PCDHGA2: variants seen among roughly 807,000 people sequenced by gnomAD.
PCDHGA2 encodes protocadherin gamma-A2.
In PCDHGA2, 40 loss-of-function variants were observed where a neutral mutation model predicts 59.2. That is an observed-to-expected ratio of 0.68 (90% confidence interval 0.52 to 0.88). The LOEUF is 0.88. Ranked by LOEUF, PCDHGA2 falls within the 40% of genes least tolerant of loss-of-function variation. The pLI is 0.00. For missense variants in PCDHGA2, 1,226 were observed against 1,204.0 expected, an observed-to-expected ratio of 1.02 and a Z score of -0.27; for synonymous variants, 560 against 526.0, an observed-to-expected ratio of 1.06 and a Z score of -0.89.
intron 1 of PCDHGA2, among the ~76,000 whole-genome samples, chr5:141,397,615 C>A (rs2093545668): frequency 6.6e-6 from 1 of 152,144 alleles, no homozygotes; most frequent in Admixed American, 6.5e-5. Context: ...AAGGGCAATA[C>A]TTAGTTCTAG....
chr5:141,361,669 G>A (rs536902009), intron 1 of PCDHGA2: 14 of 1,613,690 alleles, frequency 8.7e-6, no homozygotes, highest in Non-Finnish European at 1.2e-5. Flanking sequence ...CGCGCAGAGC[G>A]GGGTGGTGTT....
intron 1 of PCDHGA2, chr5:141,418,790 G>A (rs1434374059): frequency 2.5e-6 from 4 of 1,613,758 alleles, no homozygotes; most frequent in Admixed American, 3.3e-5. Flanking sequence ...GGATTTTGAA[G>A]AAGTAGAAAG....
In PCDHGA2 at chr5:141,360,245, T is replaced by C. The variant is rs201518165; in HGVS notation, c.2424+18850T>C. On this transcript the variant is annotated intron_variant, in intron 1 of 3. Coordinates refer to ENST00000394576, the MANE Select transcript of PCDHGA2 (RefSeq NM_018915.4). ...CTCCCAGTCCAGATCCGCTATTCAA[T>C]TCCAGAGGAGCTGGCCAAAAACTCG... is the stretch of plus-strand genomic sequence containing the variant. 643 of 1,613,842 alleles carry C rather than the reference T, an allele frequency of 4.0e-4. 1 individual carries two copies. The highest frequency in any genetic ancestry group is 6.6e-4 in the Middle Eastern group (4 of 6,084).
intron 1 of PCDHGA2, among the ~76,000 whole-genome samples, chr5:141,482,161 G>A (rs2099554171): frequency 6.6e-6 from 1 of 152,008 alleles, no homozygotes; most frequent in Non-Finnish European, 1.5e-5. Context: ...TCAAAGATAT[G>A]TAAGATTAAG....
intron 1 of PCDHGA2, among the ~76,000 whole-genome samples, chr5:141,445,961 G>T (rs944876169): frequency 1.3e-5 from 2 of 152,158 alleles, no homozygotes; most frequent in Non-Finnish European, 2.9e-5. Context: ...GCTATATGGA[G>T]AATTGATTTA....
At chr5:141,403,334 G>T (rs2094392979) in intron 1 of PCDHGA2, 2 of 1,613,972 alleles carry the variant, frequency 1.2e-6, no homozygotes, top group Non-Finnish European at 1.7e-6. Flanking sequence ...TGATATTAAC[G>T]ACAGCGCCCC....
intron 1 of PCDHGA2, chr5:141,366,742 G>T (rs762560261): frequency 1.2e-6 from 2 of 1,611,864 alleles, no homozygotes; most frequent in East Asian, 2.2e-5. Flanking sequence ...AAGAAGAACG[G>T]CGAGTTCAGG....
chr5:141,399,659 T>A (rs1277891886), intron 1 of PCDHGA2: 1 of 1,613,684 alleles, frequency 6.2e-7, no homozygotes, highest in African/African-American at 1.3e-5. Flanking sequence ...GGGGTGGTGT[T>A]CGCGCAGCGC....
intron 1 of PCDHGA2, chr5:141,409,895 C>T (rs928044268): frequency 2.5e-6 from 4 of 1,613,098 alleles, no homozygotes; most frequent in Non-Finnish European, 3.4e-6. Flanking sequence ...GGTGCTGTAC[C>T]CAGCTCTGGG....
Position 141,491,608 on chromosome 5 carries a change from C to T in PCDHGA2, c.2425-3199C>T. On this transcript the variant is annotated intron_variant, in intron 1 of 3. Transcript: ENST00000394576. This position sits in a 1 kb window ranked among gnomAD's most constrained non-coding sequence, Gnocchi z 6.9. Reference sequence around the variant, plus strand: ...CTCGGACGGCAGTGACTTCACTTTTCTAAGACCCCTCAGCGTTCAGCAGCC... The same window carrying T: ...CTCGGACGGCAGTGACTTCACTTTTTTAAGACCCCTCAGCGTTCAGCAGCC... 6.2e-7 allele frequency: 1 copy of T among 1,613,942 alleles called. No individual in the cohort carries two copies. The highest frequency in any genetic ancestry group is 1.1e-5 in the South Asian group (1 of 91,086).
chr5:141,365,477 G>T, intron 1 of PCDHGA2: 2 of 1,613,994 alleles, frequency 1.2e-6, no homozygotes, highest in Non-Finnish European at 1.7e-6. Flanking sequence ...TGGTGAGATT[G>T]CATGCTCTAT....
At chr5:141,414,198 A>G (rs1561747621) in intron 1 of PCDHGA2, 2 of 1,611,542 alleles carry the variant, frequency 1.2e-6, no homozygotes, top group Non-Finnish European at 1.7e-6. Flanking sequence ...TGATTACAGT[A>G]GAAGATGTAA....
chr5:141,481,689 C>T (rs1198127143), intron 1 of PCDHGA2, among the ~76,000 whole-genome samples: 1 of 152,102 alleles, frequency 6.6e-6, no homozygotes, highest in Non-Finnish European at 1.5e-5. Context: ...CCTGGTGGCT[C>T]ACGCCTGTAA....
rs778770720 is a variant in PCDHGA2 at position 141,375,689 on chromosome 5, G to C, written c.2424+34294G>C. On this transcript the variant is annotated intron_variant, in intron 1 of 3. Coordinates refer to ENST00000394576, the MANE Select transcript of PCDHGA2 (RefSeq NM_018915.4). ...CCTACAGCTGTGGGTGACAGCCAGC[G>C]ACAGCGGGGACCCGCCTCTTAGCAG... 4 of 1,614,250 alleles carry C rather than the reference G, an allele frequency of 2.5e-6. No individual in the cohort carries two copies. In the Admixed American group the frequency reaches 6.7e-5, roughly 27 times the overall value.
Position 141,490,835 on chromosome 5 carries a change from T to C in PCDHGA2, c.2425-3972T>C, listed in dbSNP as rs1284804400. 4 of 1,613,728 alleles carry C rather than the reference T, an allele frequency of 2.5e-6. No individual in the cohort carries two copies. The highest frequency in any genetic ancestry group is 1.1e-5 in the South Asian group (1 of 91,076). On this transcript the variant is annotated intron_variant, in intron 1 of 3. Transcript: ENST00000394576. This position sits in a 1 kb window ranked among gnomAD's most constrained non-coding sequence, Gnocchi z 5.4. ...TATGAATTGCTGCAGATGCTGCAGATTGTGGTGGGGGTTCGAGACTCCGGC... is the reference window on the plus strand; with the variant it reads ...TATGAATTGCTGCAGATGCTGCAGACTGTGGTGGGGGTTCGAGACTCCGGC...
chr5:141,486,400 T>G lies in PCDHGA2; in HGVS notation c.2425-8407T>G. On this transcript the variant is annotated intron_variant, in intron 1 of 3. Transcript: ENST00000394576. This position sits in a 1 kb window ranked among gnomAD's most constrained non-coding sequence, Gnocchi z 5.0. Reference sequence around the variant, plus strand: ...TCAGGAACCAGTTCTCCCTGGTGACTGCTGGACCCTTGGATCGAGAGGCCA... The same window carrying G: ...TCAGGAACCAGTTCTCCCTGGTGACGGCTGGACCCTTGGATCGAGAGGCCA... 5.0e-6 allele frequency: 8 copies of G among 1,614,194 alleles called. No homozygotes were observed. The highest frequency in any genetic ancestry group is 6.8e-6 in the Non-Finnish European group (8 of 1,180,028).
chr5:141,430,855 C>T, intron 1 of PCDHGA2: 7 of 1,588,596 alleles, frequency 4.4e-6, no homozygotes, highest in Non-Finnish European at 6.0e-6. Context: ...CCCAGATACG[C>T]TATTCAGTTC....
At chr5:141,475,889 T>C in intron 1 of PCDHGA2, 1 of 562,248 alleles carries the variant, frequency 1.8e-6, no homozygotes, top group Non-Finnish European at 3.1e-6. Context: ...GCTGGGACTC[T>C]GTGTGCCGCT....
chr5:141,430,534 C>CT (rs962032641), intron 1 of PCDHGA2: 2 of 381,726 alleles, frequency 5.2e-6, no homozygotes, highest in Non-Finnish European at 9.2e-6. Context: ...GGTTAGGACT[C>CT]TGAGCGCCGC....
Sources: gnomAD v4.1 joint callset for allele counts (sites outside exome capture counted in the v4.1 genomes callset) on GRCh38, gnomAD v4.1.1 for gene constraint, Gnocchi (gnomAD v3.1) non-coding constraint, MANE v1.5 for transcripts, NCBI Gene and HGNC (gene_info 2026-07-23, HGNC 2026-07-21) for gene names.